The following FAF2 variants were observed in gnomAD, a reference collection of about 807,000 sequenced individuals.
FAF2 encodes the protein Fas associated factor family member 2.
Under a neutral mutation model 62.3 loss-of-function variants are expected in FAF2, and 9 were observed. The ratio of observed to expected loss-of-function variants is 0.14; its 90% CI spans 0.09 to 0.25. The LOEUF is 0.25. FAF2 is among the 10% of genes least tolerant of loss of function. FAF2 has a pLI of 1.00. For missense variants in FAF2, 368 were observed against 556.2 expected, an observed-to-expected ratio of 0.66 and a Z score of 3.40; for synonymous variants, 202 against 198.0, an observed-to-expected ratio of 1.02 and a Z score of -0.17.
At chr5:176,464,759 T>C (rs1176404554) in intron 1 of FAF2, among the ~76,000 whole-genome samples, 6 of 151,866 alleles carry the variant, frequency 4.0e-5, no homozygotes, top group Admixed American at 3.9e-4. Context: ...TTTTTTTTTT[T>C]AAAGACCTTC....
chr5:176,458,857 T>A (rs1758325763), intron 1 of FAF2, among the ~76,000 whole-genome samples: 1 of 152,158 alleles, frequency 6.6e-6, no homozygotes, highest in Non-Finnish European at 1.5e-5. Flanking sequence ...TTCCCTAACA[T>A]GTTATTCCTT....
intron 1 of FAF2, among the ~76,000 whole-genome samples, chr5:176,464,487 C>CTT (rs142550204): frequency 6.3e-5 from 5 of 79,994 alleles, no homozygotes; most frequent in Non-Finnish European, 9.4e-5. Flanking sequence ...CAAGCTGATT[C>CTT]TTTTTTTTTT....
chr5:176,448,830 C>T (rs750804514), intron 1 of FAF2, among the ~76,000 whole-genome samples: 11 of 152,170 alleles, frequency 7.2e-5, no homozygotes, highest in Non-Finnish European at 1.5e-4. Flanking sequence ...GTCCCCACCG[C>T]GGAGTTGGCG....
intron 8 of FAF2, among the ~76,000 whole-genome samples, chr5:176,498,176 G>A (rs748788421): frequency 8.5e-5 from 13 of 152,048 alleles, no homozygotes; most frequent in Non-Finnish European, 1.8e-4. Context: ...AAATAATAGC[G>A]TTATTTTAAC....
At chr5:176,496,010 C>T (rs2113743857) in intron 7 of FAF2, among the ~76,000 whole-genome samples, 1 of 152,250 alleles carries the variant, frequency 6.6e-6, no homozygotes, top group East Asian at 1.9e-4. Context: ...CAGGGAAAAA[C>T]TGTGCCAGAT....
At chr5:176,498,842 AT>A in intron 8 of FAF2, 71 bp from the exon 9 acceptor site, 1 of 1,375,774 alleles carries the variant, frequency 7.3e-7, no homozygotes, top group Admixed American at 2.4e-5. Flanking sequence ...CACACAGAAG[AT>A]TTCAATATAA....
intron 2 of FAF2, among the ~76,000 whole-genome samples, chr5:176,484,666 G>A (rs533208149): frequency 1.2e-4 from 18 of 152,284 alleles, no homozygotes; most frequent in Non-Finnish European, 2.5e-4. Flanking sequence ...GCCGAGGCAG[G>A]TAGATCATGA....
At chr5:176,460,513 CGTGTGTGTGTGTGT>C (rs747582699) in intron 1 of FAF2, among the ~76,000 whole-genome samples, 50 of 132,660 alleles carry the variant, frequency 3.8e-4, no homozygotes, top group South Asian at 1.3e-3. Flanking sequence ...TTTTTGGCCG[CGTGTGTGTGTGTGT>C]GTGTGTGTGT....
intron 1 of FAF2, among the ~76,000 whole-genome samples, chr5:176,465,337 A>G (rs961513503): frequency 6.6e-6 from 1 of 151,836 alleles, no homozygotes; most frequent in Non-Finnish European, 1.5e-5. Context: ...AGTATATACA[A>G]TAAAGAAACT....
intron 8 of FAF2, 100 bp downstream of exon 8, chr5:176,496,763 G>A (rs1233671689): frequency 1.1e-6 from 1 of 880,006 alleles, no homozygotes; most frequent in African/African-American, 1.7e-5. Context: ...TGTGCATCAG[G>A]CCGCTATTAG....
chr5:176,485,684 C>T (rs1039683532), intron 2 of FAF2, among the ~76,000 whole-genome samples: 1 of 152,076 alleles, frequency 6.6e-6, no homozygotes, highest in African/African-American at 2.4e-5. Flanking sequence ...AATATTGTTC[C>T]TTTATTTTGC....
chr5:176,471,193 C>T (rs1301734236), intron 1 of FAF2, among the ~76,000 whole-genome samples: 4 of 152,120 alleles, frequency 2.6e-5, no homozygotes, highest in Non-Finnish European at 4.4e-5. Context: ...ATTCTCTTTT[C>T]CCTGGACTTC....
rs1755704982 is a variant in FAF2 at position 176,507,416 on chromosome 5, A to G, written c.*466A>G. The G allele has an allele frequency of 2.4e-6, 1 of 425,426 alleles. No homozygotes were observed. The allele number at this position is 425,426 out of a possible 1,614,324, so 26.4% of individuals were successfully genotyped here. On this transcript the variant is annotated 3_prime_UTR_variant, in exon 11 of 11. Coordinates refer to ENST00000261942, the MANE Select transcript of FAF2 (RefSeq NM_014613.3). ...CTGGGGAAGAGAGGGAAGAGAAAGCACAGAGCAGAGAAGCAGAGATGTTCC... is the reference window on the plus strand; with the variant it reads ...CTGGGGAAGAGAGGGAAGAGAAAGCGCAGAGCAGAGAAGCAGAGATGTTCC...
chr5:176,487,367 G>A (rs1166644290), intron 3 of FAF2, among the ~76,000 whole-genome samples: 1 of 152,092 alleles, frequency 6.6e-6, no homozygotes, highest in Non-Finnish European at 1.5e-5. Context: ...ATTTTTTGTA[G>A]AGATGGGGTC....
At chr5:176,461,355 A>G (rs555782196) in intron 1 of FAF2, among the ~76,000 whole-genome samples, 6 of 113,086 alleles carry the variant, frequency 5.3e-5, no homozygotes, top group Admixed American at 4.1e-4. Flanking sequence ...TTCTTGCTCT[A>G]TCTCTCAAGC....
chr5:176,470,233 C>T (rs1157889502), intron 1 of FAF2, among the ~76,000 whole-genome samples: 1 of 152,178 alleles, frequency 6.6e-6, no homozygotes, highest in Non-Finnish European at 1.5e-5. Context: ...TGGTTGGAAC[C>T]ACCACAGGGT....
chr5:176,472,996 T>C (rs568840691), intron 1 of FAF2, among the ~76,000 whole-genome samples: 13 of 152,326 alleles, frequency 8.5e-5, no homozygotes, highest in Non-Finnish European at 1.6e-4. Flanking sequence ...GAAGATAATA[T>C]AGAAAATTCC....
intron 10 of FAF2, among the ~76,000 whole-genome samples, 198 bp downstream of exon 10, chr5:176,500,344 A>G (rs976992002): frequency 1.3e-5 from 2 of 152,168 alleles, no homozygotes; most frequent in Non-Finnish European, 2.9e-5. Flanking sequence ...CTTCAGTTCT[A>G]GTTTCCAACT....
intron 5 of FAF2, among the ~76,000 whole-genome samples, chr5:176,493,525 C>T (rs538099104): frequency 3.9e-5 from 6 of 152,330 alleles, no homozygotes; most frequent in Admixed American, 2.0e-4. Flanking sequence ...GCCTTTGGAT[C>T]GTACAGTCCA....
Sources: gnomAD v4.1 joint callset for allele counts (sites outside exome capture counted in the v4.1 genomes callset) on GRCh38, gnomAD v4.1.1 for gene constraint, MANE v1.5 for transcripts, NCBI Gene and HGNC (gene_info 2026-07-23, HGNC 2026-07-21) for gene names.